The following ARHGAP28 variants were observed in gnomAD, a reference collection of about 807,000 sequenced individuals.
ARHGAP28 encodes Rho GTPase activating protein 28, also known as rho GTPase-activating protein 28.
A neutral mutation model predicts 90.7 loss-of-function variants in ARHGAP28; 56 were observed. That is an observed-to-expected ratio of 0.62 (90% CI 0.50 to 0.77). The LOEUF (loss-of-function observed/expected upper bound fraction) is 0.77, where lower values mean the gene tolerates loss of function less well. ARHGAP28 is among the 30% of genes least tolerant of loss of function. The pLI is 0.00. For synonymous variants in ARHGAP28, 308 were observed against 323.3 expected, an observed-to-expected ratio of 0.95 and a Z score of 0.51; for missense variants, 869 against 900.9, an observed-to-expected ratio of 0.96 and a Z score of 0.45.
intron 1 of ARHGAP28, among the ~76,000 whole-genome samples, chr18:6,735,754 C>A (rs1216395585): frequency 1.3e-5 from 2 of 152,100 alleles, no homozygotes; most frequent in African/African-American, 4.8e-5. Context: ...GGAGTTTTGC[C>A]GTGTTGCCCA....
chr18:6,813,230 A>G (rs1389718945), intron 1 of ARHGAP28, among the ~76,000 whole-genome samples: 3 of 152,224 alleles, frequency 2.0e-5, no homozygotes, highest in Non-Finnish European at 4.4e-5. Context: ...CCATTTCAAG[A>G]AACTCCATGC....
chr18:6,900,046 T>A (rs1259377339), intron 16 of ARHGAP28, among the ~76,000 whole-genome samples: 1 of 152,028 alleles, frequency 6.6e-6, no homozygotes, highest in East Asian at 1.9e-4. Flanking sequence ...CCCACCCTGG[T>A]GGCAGCAGAG....
Position 6,880,412 on chromosome 18 carries a change from C to G in ARHGAP28, c.1291-1725C>G, listed in dbSNP as rs377661415. Among the ~76,000 whole-genome samples, 64 of 152,300 alleles carry G rather than the reference C, an allele frequency of 4.2e-4. No homozygotes were observed. The South Asian group carries it at 0.013, about 31-fold the overall frequency. On this transcript the variant is annotated intron_variant, in intron 10 of 17. Transcript: ENST00000383472. The stretch of plus-strand genomic sequence containing the variant: ...TCATAACTGGGTTCTTTGCCTGTCA[C>G]TCGCTTCCACCCACCCGACCTATGC...
At chr18:6,896,020 G>A (rs186181865) in intron 15 of ARHGAP28, among the ~76,000 whole-genome samples, 155 of 152,248 alleles carry the variant, frequency 1.0e-3, no homozygotes, top group African/African-American at 3.1e-3. Flanking sequence ...GAGAGGTCCC[G>A]TTTCAAGTGC....
At chr18:6,812,915 C>T (rs905404424) in intron 1 of ARHGAP28, among the ~76,000 whole-genome samples, 2 of 152,172 alleles carry the variant, frequency 1.3e-5, no homozygotes, top group Admixed American at 1.3e-4. Flanking sequence ...CATTTTTAAA[C>T]AGCATGAAGT....
intron 1 of ARHGAP28, among the ~76,000 whole-genome samples, chr18:6,734,219 T>C (rs189519956): frequency 5.3e-4 from 80 of 152,310 alleles, no homozygotes; most frequent in Admixed American, 1.8e-3. Context: ...AGTGAGACTA[T>C]TGACAAACAT....
chr18:6,885,343 G>A (rs1429351972), intron 11 of ARHGAP28, among the ~76,000 whole-genome samples: 1 of 152,168 alleles, frequency 6.6e-6, no homozygotes, highest in African/African-American at 2.4e-5. Context: ...GTTGTAACAA[G>A]ATTCTCTGAA....
intron 14 of ARHGAP28, among the ~76,000 whole-genome samples, chr18:6,891,703 T>A (rs1041233565): frequency 2.0e-5 from 3 of 152,178 alleles, no homozygotes; most frequent in Non-Finnish European, 4.4e-5. Flanking sequence ...TCCTCCTGCC[T>A]GAGCCTCTCC....
intron 1 of ARHGAP28, among the ~76,000 whole-genome samples, chr18:6,764,488 C>G (rs2056185447): frequency 6.6e-6 from 1 of 152,122 alleles, no homozygotes; most frequent in Admixed American, 6.5e-5. Flanking sequence ...TGTTAGAGTT[C>G]AGAGGAAGAT....
In ARHGAP28 at chr18:6,859,875, C is replaced by G. The variant is rs190733334; in HGVS notation, c.704C>G (p.Ala235Gly). Residue 235 changes from alanine to glycine, a missense_variant, in exon 5 of 18, where the codon GCG (alanine) becomes GGG (glycine). Coordinates refer to ENST00000383472, the MANE Select transcript of ARHGAP28 (RefSeq NM_001366230.1). ...TCCCAGGATAAAGAAGGGAGTTTTG[C>G]GGTTCCCAGGAGTGACTCTGTGGTA... Reference protein sequence around the residue: ...DASQDKEGSFAVPRSDSVAIL... With the variant: ...DASQDKEGSFGVPRSDSVAIL... The G allele has an allele frequency of 6.2e-7, 1 of 1,614,024 alleles. No homozygotes were observed.
At chr18:6,861,174 A>T (rs1560474) in intron 5 of ARHGAP28, among the ~76,000 whole-genome samples, 1 of 152,116 alleles carries the variant, frequency 6.6e-6, no homozygotes, top group African/African-American at 2.4e-5. Flanking sequence ...ATCTTCCACC[A>T]CAGCTTGTGG....
At chr18:6,733,875 A>T (rs2055904238) in intron 1 of ARHGAP28, among the ~76,000 whole-genome samples, 1 of 152,130 alleles carries the variant, frequency 6.6e-6, no homozygotes, top group African/African-American at 2.4e-5. Context: ...GACAGTTTAG[A>T]CTTATTCCTA....
At chr18:6,787,254 G>A (rs1213872392) in intron 1 of ARHGAP28, among the ~76,000 whole-genome samples, 2 of 143,980 alleles carry the variant, frequency 1.4e-5, no homozygotes, top group East Asian at 4.0e-4. Context: ...GATTGAAGTT[G>A]CCCTTGTAAA....
At chr18:6,842,957 C>G (rs1312781633) in intron 3 of ARHGAP28, among the ~76,000 whole-genome samples, 1 of 151,896 alleles carries the variant, frequency 6.6e-6, no homozygotes, top group Non-Finnish European at 1.5e-5. Flanking sequence ...TTTAAAAATT[C>G]CATGTTGATA....
intron 1 of ARHGAP28, among the ~76,000 whole-genome samples, chr18:6,764,288 T>A (rs2143356377): frequency 6.6e-6 from 1 of 152,286 alleles, no homozygotes; most frequent in Non-Finnish European, 1.5e-5. Context: ...AAGGAAATAT[T>A]AGCATATCAG....
At chr18:6,788,834 C>T (rs2056385691) in intron 1 of ARHGAP28, 1 of 152,090 alleles carries the variant, frequency 6.6e-6, no homozygotes, top group Non-Finnish European at 1.5e-5. Flanking sequence ...ACAAAGATGA[C>T]CAAGATACAG....
Position 6,772,205 on chromosome 18 carries a change from T to A in ARHGAP28, c.122+42262T>A, listed in dbSNP as rs373259483. Among the ~76,000 whole-genome samples the A allele has an allele frequency of 1.4e-4, 21 of 152,338 alleles. No individual in the cohort carries two copies. The South Asian group carries it at 4.4e-3, about 32-fold the overall frequency. On this transcript the variant is annotated intron_variant, in intron 1 of 17. Transcript: ENST00000383472. ...TTTCAGTGAATTAATTCATACTAAA[T>A]ATTGTACCTAATAGTCACACTCCAT...
intron 1 of ARHGAP28, among the ~76,000 whole-genome samples, chr18:6,733,477 A>G (rs2055900677): frequency 6.6e-6 from 1 of 152,050 alleles, no homozygotes; most frequent in African/African-American, 2.4e-5. Context: ...TCTTGATTCT[A>G]ATAGAGTGTG....
chr18:6,874,697 AG>A (rs1278741844), intron 9 of ARHGAP28: 1 of 152,190 alleles, frequency 6.6e-6, no homozygotes, highest in Non-Finnish European at 1.5e-5. Context: ...ATACTTCTCA[AG>A]TCAGGTGACT....
Sources: gnomAD v4.1 joint callset for allele counts (sites outside exome capture counted in the v4.1 genomes callset) on GRCh38, gnomAD v4.1.1 for gene constraint, MANE v1.5 for transcripts, NCBI Gene and HGNC (gene_info 2026-07-23, HGNC 2026-07-21) for gene names.